EVA1A: variants seen among roughly 807,000 people sequenced by gnomAD.
EVA1A encodes eva-1 homolog A, regulator of programmed cell death.
EVA1A carries 7 observed loss-of-function variants against 9.8 expected under a neutral mutation model. That is an observed-to-expected ratio of 0.71 (90% confidence interval 0.41 to 1.34). The LOEUF (loss-of-function observed/expected upper bound fraction) is 1.34, where lower values mean the gene tolerates loss of function less well. Among genes scored for constraint, EVA1A ranks in the 40% most tolerant of loss-of-function variants. The pLI, the probability that EVA1A is intolerant of heterozygous loss-of-function variation, is 0.01. For missense variants in EVA1A, 206 were observed against 205.9 expected (o/e 1.00, Z 0.00); for synonymous variants, 90 against 85.6 (o/e 1.05, Z -0.28).
intron 1 of EVA1A, among the ~76,000 whole-genome samples, chr2:75,551,135 ACAAAAC>A (rs1676506816): frequency 6.6e-6 from 1 of 151,766 alleles, no homozygotes; most frequent in African/African-American, 2.4e-5. Flanking sequence ...ACAAAACAAA[ACAAAAC>A]AAAAAAAACC....
At chr2:75,561,548 C>T (rs938464876), upstream of EVA1A, among the ~76,000 whole-genome samples, 1 of 151,992 alleles carries the variant, frequency 6.6e-6, no homozygotes, top group African/African-American at 2.4e-5. Context: ...GATGGGCGCT[C>T]AGCTGGGGGC....
intron 3 of EVA1A, among the ~76,000 whole-genome samples, chr2:75,506,430 T>C (rs942427559): frequency 1.3e-5 from 2 of 152,204 alleles, no homozygotes. Context: ...TAGTGGAGGA[T>C]ATTCCAACTG....
rs759948119 is a variant in EVA1A, at chr2:75,493,563, G to A, written c.132C>T (p.Ile44=). Reference sequence around the variant, plus strand: ...GAGCAGCCAGGGTCAGCACCAGCCCGATGCACACGCCAGAAACAAAGTACA... The same window carrying A: ...GAGCAGCCAGGGTCAGCACCAGCCCAATGCACACGCCAGAAACAAAGTACA... ...AALYFVSGVC[I]GLVLTLAALV... is the part of the protein sequence containing the mutation. Residue 44 remains isoleucine (I), a synonymous_variant, in exon 4 of 4, where the codon ATC becomes ATT. Coordinates refer to ENST00000393913, the MANE Select transcript of EVA1A (RefSeq NM_001135032.2). The A allele has an allele frequency of 3.1e-6, 5 of 1,613,454 alleles. No homozygotes were observed. Among genetic ancestry groups the A allele is most frequent in the Middle Eastern group, 1.7e-4 (1 of 6,060 alleles).
At chr2:75,540,513 G>A (rs1156393494) in intron 1 of EVA1A, among the ~76,000 whole-genome samples, 1 of 152,144 alleles carries the variant, frequency 6.6e-6, no homozygotes, top group Non-Finnish European at 1.5e-5. Flanking sequence ...CCTACCCAGA[G>A]GAATAGTTTT....
chr2:75,506,262 C>T (rs1280031525), intron 3 of EVA1A, among the ~76,000 whole-genome samples: 2 of 152,146 alleles, frequency 1.3e-5, no homozygotes, highest in African/African-American at 4.8e-5. Flanking sequence ...TTGTTTATTG[C>T]CTTGCAATGG....
chr2:75,557,310 G>A (rs1006695556), intron 1 of EVA1A, among the ~76,000 whole-genome samples: 1 of 152,224 alleles, frequency 6.6e-6, no homozygotes, highest in Admixed American at 6.5e-5. Context: ...TTAGTGATCA[G>A]TTGTAACCAA....
intron 1 of EVA1A, among the ~76,000 whole-genome samples, chr2:75,530,647 G>T (rs1453533520): frequency 6.6e-6 from 1 of 152,008 alleles, no homozygotes; most frequent in Non-Finnish European, 1.5e-5. Flanking sequence ...ATTAAAAACA[G>T]AAATTATATG....
At chr2:75,524,558 T>C (rs1675351890) in intron 1 of EVA1A, among the ~76,000 whole-genome samples, 1 of 152,106 alleles carries the variant, frequency 6.6e-6, no homozygotes, top group African/African-American at 2.4e-5. Flanking sequence ...ATTTGCAGCA[T>C]TGCAAATGCT....
intron 2 of EVA1A, chr2:75,518,810 T>C (rs980357851): frequency 5.1e-6 from 5 of 985,376 alleles, no homozygotes; most frequent in African/African-American, 1.7e-5. Flanking sequence ...TGTACCTTGA[T>C]CAGTTTGCCT....
chr2:75,535,419 T>C (rs1461353156), intron 1 of EVA1A, among the ~76,000 whole-genome samples: 3 of 152,022 alleles, frequency 2.0e-5, no homozygotes, highest in African/African-American at 7.2e-5. Context: ...TACCATTTGA[T>C]GAAGCAATCC....
intron 1 of EVA1A, among the ~76,000 whole-genome samples, chr2:75,531,471 G>C (rs6752583): frequency 0.46 from 70,017 of 151,826 alleles, 18,329 homozygotes; most frequent in African/African-American, 0.73. Flanking sequence ...CAGCACAATT[G>C]GTAACTGCAA....
rs184905863 is a variant in EVA1A at position 75,566,553 on chromosome 2, A to G, written c.-192+2923T>C. ...AAATGTAATGTGCCCGAAAAGGATG[A>G]AATATTGAGTAAAAAGCAGCAATTA... On this transcript the variant is annotated intron_variant, in intron 1 of 3. Coordinates refer to the EVA1A transcript ENST00000233712. Among the ~76,000 whole-genome samples the G allele has an allele frequency of 2.2e-4, 34 of 152,334 alleles. No homozygotes were observed. The East Asian group carries it at 4.8e-3, about 22-fold the overall frequency.
At chr2:75,554,381 C>A (rs79344646) in intron 1 of EVA1A, among the ~76,000 whole-genome samples, 10 of 152,222 alleles carry the variant, frequency 6.6e-5, no homozygotes, top group Non-Finnish European at 1.5e-5. Context: ...AGTTTTTGAA[C>A]CCCAGAACAA....
chr2:75,547,393 T>G (rs748281359), intron 1 of EVA1A, among the ~76,000 whole-genome samples: 26 of 152,186 alleles, frequency 1.7e-4, no homozygotes, highest in Non-Finnish European at 2.2e-4. Flanking sequence ...GACTTGCAAT[T>G]TTCAAACTTC....
chr2:75,515,989 T>C (rs113853001), intron 3 of EVA1A, among the ~76,000 whole-genome samples: 290 of 152,338 alleles, frequency 1.9e-3, no homozygotes, highest in African/African-American at 6.6e-3. Context: ...GTTATGTGTA[T>C]TAGCAAATGT....
chr2:75,540,674 A>C (rs1311914091), intron 1 of EVA1A: 1 of 152,200 alleles, frequency 6.6e-6, no homozygotes, highest in East Asian at 1.9e-4. Flanking sequence ...AAGATGTTTA[A>C]CTAAGTCAGT....
intron 1 of EVA1A, among the ~76,000 whole-genome samples, chr2:75,557,529 C>T (rs1676758462): frequency 1.3e-5 from 2 of 152,162 alleles, no homozygotes; most frequent in Admixed American, 1.3e-4. Context: ...TTCATCCATC[C>T]CTCATGCATC....
Position 75,493,233 on chromosome 2 carries a change from T to G in EVA1A, c.*3A>C, listed in dbSNP as rs1275625417. ...CCAGTGGTTTCCGGGGTCCTGCTGC[T>G]CCCTAATAGTAGCGATTCAGGCTCC... On this transcript the variant is annotated 3_prime_UTR_variant, in exon 4 of 4. Coordinates refer to ENST00000393913, the MANE Select transcript of EVA1A (RefSeq NM_001135032.2). 6.2e-7 allele frequency: 1 copy of G among 1,605,192 alleles called. No homozygotes were observed. The highest frequency in any genetic ancestry group is 1.7e-5 in the Admixed American group (1 of 59,488).
intron 1 of EVA1A, among the ~76,000 whole-genome samples, chr2:75,556,348 G>T (rs1676711901): frequency 6.6e-6 from 1 of 152,176 alleles, no homozygotes. Context: ...TCTGCTGCAG[G>T]TCACTTAAGA....
Sources: gnomAD v4.1 joint callset for allele counts (sites outside exome capture counted in the v4.1 genomes callset) on GRCh38, gnomAD v4.1.1 for gene constraint, MANE v1.5 for transcripts, NCBI Gene and HGNC (gene_info 2026-07-23, HGNC 2026-07-21) for gene names.